Variants in RALGAPA2 observed in about 807,000 individuals in gnomAD.
RALGAPA2 encodes ral GTPase-activating protein subunit alpha-2.
Under a neutral mutation model 230.4 loss-of-function variants are expected in RALGAPA2, and 139 were observed. The observed-to-expected ratio is 0.60, with a 90% CI of 0.53 to 0.69. RALGAPA2 has a LOEUF of 0.69. RALGAPA2 is among the 30% of genes least tolerant of loss of function. RALGAPA2 has a pLI of 0.00. For missense variants in RALGAPA2, 2,163 were observed against 2,276.0 expected (o/e 0.95, Z 1.01); for synonymous variants, 847 against 837.8 (o/e 1.01, Z -0.19).
chr20:20,558,345 A>G (rs889271490), intron 23 of RALGAPA2, among the ~76,000 whole-genome samples: 3 of 152,214 alleles, frequency 2.0e-5, no homozygotes, highest in African/African-American at 7.2e-5. Context: ...GTTTTGAAAC[A>G]TGAATTTTTC....
intron 1 of RALGAPA2, among the ~76,000 whole-genome samples, chr20:20,683,039 T>C (rs2068574509): frequency 6.6e-6 from 1 of 152,236 alleles, no homozygotes; most frequent in South Asian, 2.1e-4. Flanking sequence ...CATCAGATCC[T>C]GTTCTTCCCT....
At chr20:20,409,268 T>C (rs2060012256) in intron 38 of RALGAPA2, among the ~76,000 whole-genome samples, 1 of 152,200 alleles carries the variant, frequency 6.6e-6, no homozygotes, top group Non-Finnish European at 1.5e-5. Flanking sequence ...ATTTTGGGGC[T>C]TTCCCTCTAG....
At chr20:20,682,050 C>T (rs1032250515) in intron 1 of RALGAPA2, among the ~76,000 whole-genome samples, 1 of 152,150 alleles carries the variant, frequency 6.6e-6, no homozygotes, top group Non-Finnish European at 1.5e-5. Flanking sequence ...AATTATATAA[C>T]GTTAGCAATA....
chr20:20,690,520 C>T (rs2068863501), intron 1 of RALGAPA2, among the ~76,000 whole-genome samples: 1 of 152,114 alleles, frequency 6.6e-6, no homozygotes, highest in South Asian at 2.1e-4. Flanking sequence ...ACTGTCACCC[C>T]CACACAGCTC....
At chr20:20,700,214 C>A (rs2069293815) in intron 1 of RALGAPA2, among the ~76,000 whole-genome samples, 1 of 152,092 alleles carries the variant, frequency 6.6e-6, no homozygotes, top group African/African-American at 2.4e-5. Flanking sequence ...GAACTGAAAA[C>A]CAAATACCAT....
At chr20:20,522,838 G>T (rs1476010921) in intron 30 of RALGAPA2, among the ~76,000 whole-genome samples, 2 of 152,184 alleles carry the variant, frequency 1.3e-5, no homozygotes, top group African/African-American at 4.8e-5. Flanking sequence ...AGAAAAGAAA[G>T]AACTCAGAAA....
In RALGAPA2 at chr20:20,571,829, T is replaced by A; in HGVS notation, c.3000+19A>T. The A allele has an allele frequency of 3.2e-6, 5 of 1,578,868 alleles. No homozygotes were observed. The highest frequency in any genetic ancestry group is 4.3e-6 in the Non-Finnish European group (5 of 1,151,804). On this transcript the variant is annotated intron_variant, in intron 22 of 39. Coordinates refer to ENST00000202677, the MANE Select transcript of RALGAPA2 (RefSeq NM_020343.4). The stretch of plus-strand genomic sequence containing the variant: ...GGAAGAGGAAATCGCAATAAAGGAA[T>A]AAACACATATCCACTTGCCTTAAAC...
At chr20:20,441,769 A>T (rs1556031689) in intron 37 of RALGAPA2, among the ~76,000 whole-genome samples, 1 of 152,208 alleles carries the variant, frequency 6.6e-6, no homozygotes, top group Non-Finnish European at 1.5e-5. Flanking sequence ...TGTCCTAGGG[A>T]TGTAGTCTGA....
At chr20:20,678,382 CCA>C (rs1308338661) in intron 2 of RALGAPA2, among the ~76,000 whole-genome samples, 1 of 152,174 alleles carries the variant, frequency 6.6e-6, no homozygotes, top group East Asian at 1.9e-4. Context: ...TCAAAGACCA[CCA>C]CAGTGCCTCA....
At chr20:20,530,929 T>A (rs2063352017) in intron 27 of RALGAPA2, among the ~76,000 whole-genome samples, 1 of 152,134 alleles carries the variant, frequency 6.6e-6, no homozygotes, top group Non-Finnish European at 1.5e-5. Context: ...CAATGCTATT[T>A]ATTACCACCA....
intron 37 of RALGAPA2, among the ~76,000 whole-genome samples, chr20:20,458,500 T>A (rs6082002): frequency 1.5e-5 from 2 of 137,802 alleles, no homozygotes; most frequent in African/African-American, 5.4e-5. Context: ...TTATATATAT[T>A]ATATATAATA....
intron 37 of RALGAPA2, among the ~76,000 whole-genome samples, chr20:20,465,197 A>ACACACACACACTCTCT (rs772089136): frequency 6.8e-5 from 10 of 147,444 alleles, no homozygotes; most frequent in Non-Finnish European, 4.5e-5. Context: ...ACACACACAC[A>ACACACACACACTCTCT]CTCTCTCATA....
At chr20:20,432,412 A>G (rs6137029) in intron 37 of RALGAPA2, among the ~76,000 whole-genome samples, 7,052 of 152,252 alleles carry the variant, frequency 0.046, 320 homozygotes, top group East Asian at 0.14. Context: ...TGACGGTGCT[A>G]ACCTTTTCAA....
rs61761203 is a variant in RALGAPA2, at chr20:20,639,885, T to C, written c.566A>G (p.Glu189Gly). Residue 189 changes from glutamate (E) to glycine (G), a missense_variant, in exon 7 of 40, where the codon GAA (glutamate) becomes GGA (glycine). Glu to Gly is a moderately conservative substitution (Grantham distance 98). Coordinates refer to ENST00000202677, the MANE Select transcript of RALGAPA2 (RefSeq NM_020343.4). The part of the protein sequence containing the change: ...PSVADVKIYP[E>G]EITPLLPAIS... ...GGCTGGTAGGAGTGGAGTGATTTCTTCTGGATATATCTTTACTGAAAGGAC... is the reference window on the plus strand; with the variant it reads ...GGCTGGTAGGAGTGGAGTGATTTCTCCTGGATATATCTTTACTGAAAGGAC... 18,337 of 1,610,096 alleles carry C rather than the reference T, an allele frequency of 0.011. 165 individuals are homozygous for C. The highest frequency in any genetic ancestry group is 0.012 in the Non-Finnish European group (13,880 of 1,176,476).
In RALGAPA2 at chr20:20,650,185, C is replaced by T. The variant is rs76698089; in HGVS notation, c.328+3345G>A. 3.9e-4 allele frequency among the ~76,000 whole-genome samples: 60 copies of T among 152,154 alleles called. No homozygotes were observed. The East Asian group carries it at 8.5e-3, about 22-fold the overall frequency. On this transcript the variant is annotated intron_variant, in intron 4 of 39. Coordinates refer to ENST00000202677, the MANE Select transcript of RALGAPA2 (RefSeq NM_020343.4). ...AGTTCAAATATGTTTCCTCATTCAA[C>T]GATTTAAAGCAAGGAGCCAGCCATT...
Position 20,512,740 on chromosome 20 carries a change from A to G in RALGAPA2, c.4629T>C (p.Asn1543=). Residue 1543 remains asparagine (N), a synonymous_variant, in exon 32 of 40, where the codon AAT becomes AAC. Coordinates refer to ENST00000202677, the MANE Select transcript of RALGAPA2 (RefSeq NM_020343.4). ...TGCCACATGGGGTTAGGGAAGGTTC[A>G]TTTAGATTTAGCTGTGACGGTAAAA... The part of the protein sequence containing the change: ...ECLLPSQLNL[N]EPSLTPCGMN... 2 of 1,613,824 alleles carry G rather than the reference A, an allele frequency of 1.2e-6. No homozygotes were observed. Among genetic ancestry groups the G allele is most frequent in the Non-Finnish European group, 1.7e-6 (2 of 1,179,762 alleles).
intron 38 of RALGAPA2, among the ~76,000 whole-genome samples, chr20:20,409,647 C>T (rs2060019337): frequency 6.6e-6 from 1 of 152,178 alleles, no homozygotes; most frequent in Non-Finnish European, 1.5e-5. Context: ...AAGAACATAA[C>T]AGTGTAAACA....
Position 20,517,724 on chromosome 20 carries a change from G to C in RALGAPA2, c.4084+3193C>G, listed in dbSNP as rs192005189. Among the ~76,000 whole-genome samples the C allele has an allele frequency of 2.4e-3, 362 of 151,470 alleles. 3 individuals are homozygous for C. Among genetic ancestry groups the C allele is most frequent in the Non-Finnish European group, 3.9e-3 (268 of 67,918 alleles). ...TCTCTATAACCAAGAAACTCATGTA[G>C]AGTCTTCACCCCTAAAAGCAGCAAA... On this transcript the variant is annotated intron_variant, in intron 31 of 39. Coordinates refer to ENST00000202677, the MANE Select transcript of RALGAPA2 (RefSeq NM_020343.4).
intron 37 of RALGAPA2, among the ~76,000 whole-genome samples, chr20:20,457,846 T>A (rs995586632): frequency 6.6e-6 from 1 of 152,164 alleles, no homozygotes; most frequent in Non-Finnish European, 1.5e-5. Flanking sequence ...GGTGCACATG[T>A]GTGCGGGGCT....
Sources: gnomAD v4.1 joint callset for allele counts (sites outside exome capture counted in the v4.1 genomes callset) on GRCh38, gnomAD v4.1.1 for gene constraint, MANE v1.5 for transcripts, NCBI Gene and HGNC (gene_info 2026-07-23, HGNC 2026-07-21) for gene names.